The following DHRSX variants were observed in gnomAD, a reference collection of about 807,000 sequenced individuals.
DHRSX encodes dehydrogenase/reductase X-linked.
A neutral mutation model predicts 34.0 loss-of-function variants in DHRSX; 31 were observed. The observed-to-expected ratio is 0.91, with a 90% CI of 0.69 to 1.23. The LOEUF (loss-of-function observed/expected upper bound fraction) is 1.23, where lower values mean the gene tolerates loss of function less well. Ranked by LOEUF, DHRSX falls within the 50% of genes most tolerant of loss-of-function variation. DHRSX has a pLI of 0.00. For missense variants in DHRSX, 414 were observed against 428.1 expected (o/e 0.97, Z 0.29); for synonymous variants, 201 against 183.8 (o/e 1.09, Z -0.76).
chrX:2,477,845 T>A (rs2044704275), intron 1 of DHRSX, among the ~76,000 whole-genome samples: 1 of 145,740 alleles, frequency 6.9e-6, no homozygotes. Context: ...AGAGCAAGAC[T>A]CCGTCTCAAA....
At chrX:2,432,558 T>A (rs2043940498) in intron 1 of DHRSX, among the ~76,000 whole-genome samples, 1 of 152,150 alleles carries the variant, frequency 6.6e-6, no homozygotes, top group Non-Finnish European at 1.5e-5. Flanking sequence ...ATAGGCCAAC[T>A]GCATGTGGAA....
chrX:2,234,620 T>C (rs776484172), intron 6 of DHRSX, among the ~76,000 whole-genome samples: 3 of 152,400 alleles, frequency 2.0e-5, no homozygotes, highest in East Asian at 1.9e-4. Flanking sequence ...ATACACACCA[T>C]GGAATATTAT....
intron 1 of DHRSX, among the ~76,000 whole-genome samples, chrX:2,436,118 G>C (rs890379066): frequency 1.3e-5 from 2 of 150,112 alleles, no homozygotes; most frequent in Non-Finnish European, 3.0e-5. Flanking sequence ...ACTTGAACCC[G>C]GGAGGCAGAG....
At chrX:2,437,696 AGAGTGTGTGTGT>A (rs1427634315) in intron 1 of DHRSX, among the ~76,000 whole-genome samples, 14,472 of 91,802 alleles carry the variant, frequency 0.16, 832 homozygotes, top group Non-Finnish European at 0.24. Context: ...AGAGAGAGAG[AGAGTGTGTGTGT>A]GTGTGTGTGT....
chrX:2,452,807 C>T (rs1350505800), intron 1 of DHRSX, among the ~76,000 whole-genome samples: 1 of 152,192 alleles, frequency 6.6e-6, no homozygotes, highest in Non-Finnish European at 1.5e-5. Flanking sequence ...ACCTTGTACA[C>T]AGTGAAGACG....
At chrX:2,335,100 G>A (rs2042537963) in intron 3 of DHRSX, among the ~76,000 whole-genome samples, 3 of 151,134 alleles carry the variant, frequency 2.0e-5, no homozygotes, top group South Asian at 2.1e-4. Context: ...CAGGGGAATC[G>A]CTGGAACCAG....
rs1478138783 is a variant in DHRSX at position 2,425,319 on chromosome X, G to C, written c.110-15C>G. ...TGGGGGGAAAACTGAAAAAGAAGAAGAGAAAATCATCAAACTAAGATTTGA... is the reference window on the plus strand; with the variant it reads ...TGGGGGGAAAACTGAAAAAGAAGAACAGAAAATCATCAAACTAAGATTTGA... On this transcript the variant is annotated splice_polypyrimidine_tract_variant and intron_variant, in intron 1 of 6. Transcript: ENST00000334651. 1.3e-6 allele frequency: 2 copies of C among 1,598,924 alleles called. No individual in the cohort carries two copies. The highest frequency in any genetic ancestry group is 1.7e-6 in the Non-Finnish European group (2 of 1,167,790).
chrX:2,270,937 C>T (rs1313697748), intron 4 of DHRSX, among the ~76,000 whole-genome samples: 2 of 152,114 alleles, frequency 1.3e-5, no homozygotes, highest in African/African-American at 2.4e-5. Flanking sequence ...CCAATCAGCA[C>T]TCTGTAAAAT....
chrX:2,424,946 C>G (rs2043823426), intron 2 of DHRSX, among the ~76,000 whole-genome samples: 1 of 152,024 alleles, frequency 6.6e-6, no homozygotes, highest in Non-Finnish European at 1.5e-5. Flanking sequence ...TCAAGACCAG[C>G]CTGGCCAGCA....
At chrX:2,472,966 G>C (rs992446122) in intron 1 of DHRSX, among the ~76,000 whole-genome samples, 2 of 152,028 alleles carry the variant, frequency 1.3e-5, no homozygotes, top group Admixed American at 6.6e-5. Flanking sequence ...TGTGCTTCCA[G>C]AAATCCCCGA....
intron 3 of DHRSX, among the ~76,000 whole-genome samples, chrX:2,293,761 C>A (rs1215425020): frequency 1.3e-5 from 2 of 151,998 alleles, no homozygotes; most frequent in Non-Finnish European, 2.9e-5. Flanking sequence ...TGTAAAAGAA[C>A]TGTTAATATT....
intron 3 of DHRSX, among the ~76,000 whole-genome samples, chrX:2,297,085 T>C (rs184419186): frequency 3.6e-4 from 54 of 152,060 alleles, no homozygotes; most frequent in Middle Eastern, 6.8e-3. Flanking sequence ...ATCTTGGGAA[T>C]ATGCAAATGT....
intron 3 of DHRSX, among the ~76,000 whole-genome samples, chrX:2,395,721 C>G (rs1366118149): frequency 1.3e-5 from 2 of 152,010 alleles, no homozygotes; most frequent in Non-Finnish European, 2.9e-5. Context: ...TCAGGGTCAC[C>G]TTACCGGAAG....
intron 1 of DHRSX, among the ~76,000 whole-genome samples, chrX:2,467,957 C>T (rs1214156749): frequency 5.5e-4 from 73 of 133,230 alleles, no homozygotes; most frequent in African/African-American, 2.0e-3. Context: ...AGTAAAACTC[C>T]GTCTCAAAAA....
chrX:2,416,783 T>G (rs1305629747), intron 2 of DHRSX, among the ~76,000 whole-genome samples: 9 of 152,206 alleles, frequency 5.9e-5, no homozygotes, highest in Non-Finnish European at 1.0e-4. Flanking sequence ...ATGTGTCTAG[T>G]AATATTAATG....
Position 2,328,354 on chromosome X carries a change from T to C in DHRSX, c.287-36751A>G, listed in dbSNP as rs751747286. ...GGAGATGAGGACACAGACACACACA[T>C]TGGGACAACCCTGTGAGGACACAGG... On this transcript the variant is annotated intron_variant, in intron 3 of 6. Transcript: ENST00000334651. Among the ~76,000 whole-genome samples the C allele has an allele frequency of 2.6e-3, 332 of 126,740 alleles. 2 individuals carry two copies. Among genetic ancestry groups the C allele is most frequent in the African/African-American group, 8.9e-3 (289 of 32,302 alleles). The allele number at this position is 126,740 out of a possible 152,430, so 83.1% of individuals were successfully genotyped here. A position where few individuals can be genotyped will look rare whatever the true frequency, so the allele number is the denominator to read the frequency against.
chrX:2,489,853 G>T (rs750829336), intron 1 of DHRSX: 2 of 1,613,754 alleles, frequency 1.2e-6, no homozygotes, highest in Non-Finnish European at 1.7e-6. Context: ...GGCCCAGGCA[G>T]GGCATGTGCA....
At chrX:2,418,585 G>A (rs765242733) in intron 2 of DHRSX, among the ~76,000 whole-genome samples, 1 of 152,172 alleles carries the variant, frequency 6.6e-6, no homozygotes, top group African/African-American at 2.4e-5. Context: ...TCATTGCACT[G>A]GAGGAGACAA....
chrX:2,340,152 A>G (rs1314034033), intron 3 of DHRSX, among the ~76,000 whole-genome samples: 1 of 151,340 alleles, frequency 6.6e-6, no homozygotes, highest in East Asian at 1.9e-4. Context: ...GAACACATGG[A>G]CACGGGGAGG....
Sources: allele counts gnomAD v4.1 joint callset (sites outside exome capture counted in the v4.1 genomes callset), GRCh38; gene constraint gnomAD v4.1.1; transcripts MANE v1.5; gene names NCBI Gene and HGNC (gene_info 2026-07-23, HGNC 2026-07-21).